DAB1: variants seen among roughly 807,000 people sequenced by gnomAD.
The protein encoded by DAB1 is disabled homolog 1.
A neutral mutation model predicts 64.6 loss-of-function variants in DAB1; 15 were observed. The observed-to-expected ratio is 0.23, with a 90% CI of 0.16 to 0.36. The LOEUF is 0.36. Among genes scored for constraint, DAB1 ranks in the 10% least tolerant of loss-of-function variants. The pLI, the probability that DAB1 is intolerant of heterozygous loss-of-function variation, is 1.00. For missense variants in DAB1, 596 were observed against 706.7 expected (o/e 0.84, Z 1.78); for synonymous variants, 235 against 251.9 (o/e 0.93, Z 0.64).
chr1:57,267,355 T>C (rs1670665459), intron 2 of DAB1, among the ~76,000 whole-genome samples: 1 of 152,166 alleles, frequency 6.6e-6, no homozygotes. Flanking sequence ...TTTAAGCCAC[T>C]CAGTTTGTGA....
intron 4 of DAB1, among the ~76,000 whole-genome samples, chr1:58,196,416 C>A (rs1012327390): frequency 6.6e-6 from 1 of 152,174 alleles, no homozygotes; most frequent in Admixed American, 6.5e-5. Flanking sequence ...TGGAAAACAG[C>A]AAGATGACAA....
intron 11 of DAB1, among the ~76,000 whole-genome samples, chr1:57,020,886 A>AG (rs397860546): frequency 7.9e-5 from 12 of 151,948 alleles, no homozygotes; most frequent in African/African-American, 2.9e-4. Flanking sequence ...CTTAGAAATA[A>AG]TGGCTGAATC....
chr1:58,190,496 C>A (rs77068480), intron 4 of DAB1, among the ~76,000 whole-genome samples: 4,342 of 152,226 alleles, frequency 0.029, 186 homozygotes, highest in African/African-American at 0.099. Context: ...TGGATGTTGG[C>A]CACGGGTTCT....
chr1:57,917,018 A>G (rs1569987597), intron 5 of DAB1, among the ~76,000 whole-genome samples: 1 of 152,130 alleles, frequency 6.6e-6, no homozygotes, highest in African/African-American at 2.4e-5. Context: ...ATTGGAACTC[A>G]GGCTGTGTGA....
intron 7 of DAB1, among the ~76,000 whole-genome samples, chr1:57,441,506 C>T (rs898448056): frequency 1.3e-5 from 2 of 151,976 alleles, no homozygotes; most frequent in Admixed American, 6.6e-5. Flanking sequence ...AGGCACACAC[C>T]ACCACACCTG....
At chr1:58,294,352 C>T (rs1207485099) in intron 4 of DAB1, among the ~76,000 whole-genome samples, 2 of 152,208 alleles carry the variant, frequency 1.3e-5, no homozygotes, top group South Asian at 2.1e-4. Flanking sequence ...AGTAGCAAGT[C>T]GCTGAAGGGA....
intron 1 of DAB1, among the ~76,000 whole-genome samples, chr1:57,358,568 T>C (rs1012946646): frequency 6.6e-5 from 10 of 151,866 alleles, no homozygotes; most frequent in African/African-American, 2.4e-4. Context: ...TCCAAAGCAG[T>C]CTACAGATTC....
chr1:58,171,601 C>T (rs1030413618), intron 4 of DAB1, among the ~76,000 whole-genome samples: 11 of 152,212 alleles, frequency 7.2e-5, no homozygotes, highest in East Asian at 1.9e-4. Context: ...TTCCCCTGCA[C>T]TCTGACTCCC....
At chr1:57,193,374 A>G (rs1391264955) in intron 2 of DAB1, among the ~76,000 whole-genome samples, 2 of 117,002 alleles carry the variant, frequency 1.7e-5, no homozygotes, top group Non-Finnish European at 3.5e-5. Context: ...ATTCATCCGT[A>G]GCATATGTTT....
chr1:57,377,379 G>A (rs1226905148), intron 1 of DAB1, among the ~76,000 whole-genome samples: 1 of 152,014 alleles, frequency 6.6e-6, no homozygotes, highest in East Asian at 1.9e-4. Flanking sequence ...AATTCATCTA[G>A]GACCCTGTTA....
intron 4 of DAB1, among the ~76,000 whole-genome samples, chr1:58,150,770 T>C (rs867058862): frequency 1.3e-4 from 20 of 152,044 alleles, no homozygotes; most frequent in African/African-American, 4.6e-4. Context: ...ACATGTGCCA[T>C]GTTGGTGTAC....
chr1:57,536,664 C>T (rs1205763596), intron 7 of DAB1, among the ~76,000 whole-genome samples: 1 of 150,660 alleles, frequency 6.6e-6, no homozygotes. Context: ...ACTCTTAAAA[C>T]CTGGTGGTAA....
rs1465420399 is a variant in DAB1, at chr1:57,686,314, C to T, written n.552-36649G>A. On this transcript the variant is annotated intron_variant and non_coding_transcript_variant, in intron 6 of 20. Coordinates refer to the DAB1 transcript ENST00000485760. ...AAATTCTAGAGGAAATGGATAAATT[C>T]CTAGAAACACACAACCTCCTAAGAT... 3.3e-5 allele frequency among the ~76,000 whole-genome samples: 5 copies of T among 152,100 alleles called. No individual in the cohort carries two copies. In the East Asian group the frequency reaches 9.6e-4, roughly 29 times the overall value.
At chr1:57,439,107 G>A (rs1685810813) in intron 7 of DAB1, among the ~76,000 whole-genome samples, 1 of 152,154 alleles carries the variant, frequency 6.6e-6, no homozygotes, top group Non-Finnish European at 1.5e-5. Flanking sequence ...CAGTGCTTCT[G>A]CAGAAATACT....
At chr1:58,187,344 G>A (rs754796048) in intron 4 of DAB1, among the ~76,000 whole-genome samples, 44 of 150,846 alleles carry the variant, frequency 2.9e-4, no homozygotes, top group Non-Finnish European at 5.8e-4. Flanking sequence ...AGGCTCATAG[G>A]TGTGCACTTG....
intron 4 of DAB1, among the ~76,000 whole-genome samples, chr1:57,134,650 A>G (rs1657926006): frequency 6.6e-6 from 1 of 152,070 alleles, no homozygotes; most frequent in Non-Finnish European, 1.5e-5. Context: ...AAACCTGCAC[A>G]TGTACCCCTG....
chr1:57,437,490 T>C (rs1685738366), intron 7 of DAB1, among the ~76,000 whole-genome samples: 1 of 152,248 alleles, frequency 6.6e-6, no homozygotes, highest in Non-Finnish European at 1.5e-5. Flanking sequence ...TACTGTGCAA[T>C]TTTCTACTTT....
intron 4 of DAB1, among the ~76,000 whole-genome samples, chr1:57,106,153 T>A (rs191503534): frequency 9.7e-4 from 148 of 152,320 alleles, no homozygotes; most frequent in African/African-American, 3.3e-3. Context: ...CACATCGGGT[T>A]AACCTTTTCT....
intron 5 of DAB1, among the ~76,000 whole-genome samples, chr1:57,928,201 A>G (rs1215454012): frequency 6.6e-6 from 1 of 152,182 alleles, no homozygotes; most frequent in African/African-American, 2.4e-5. Flanking sequence ...AAACATTGCT[A>G]TCAGCCCAAA....
Sources: allele counts gnomAD v4.1 joint callset (sites outside exome capture counted in the v4.1 genomes callset), GRCh38; gene constraint gnomAD v4.1.1; transcripts MANE v1.5; gene names NCBI Gene and HGNC (gene_info 2026-07-23, HGNC 2026-07-21).